CFAP74: variants seen among roughly 807,000 people sequenced by gnomAD.
The protein encoded by CFAP74 is cilia and flagella associated protein 74, also known as cilia- and flagella-associated protein 74.
A neutral mutation model predicts 188.9 loss-of-function variants in CFAP74; 124 were observed. That is an observed-to-expected ratio of 0.66 (90% CI 0.57 to 0.76). The LOEUF is 0.76. Ranked by LOEUF, CFAP74 falls within the 30% of genes least tolerant of loss-of-function variation. The pLI, the probability that CFAP74 is intolerant of heterozygous loss-of-function variation, is 0.00. For synonymous variants in CFAP74, 956 were observed against 916.7 expected (o/e 1.04, Z -0.77); for missense variants, 2,198 against 2,165.2 (o/e 1.02, Z -0.30).
chr1:1,938,842 C>G lies in CFAP74; in HGVS notation c.3011+13G>C. 7.8e-6 allele frequency: 12 copies of G among 1,535,730 alleles called. No homozygotes were observed. The highest frequency in any genetic ancestry group is 1.0e-5 in the Non-Finnish European group (12 of 1,146,576). On this transcript the variant is annotated intron_variant, in intron 25 of 38. Transcript: ENST00000682832. Reference sequence around the variant, plus strand: ...TCCAGGCCCCCTGCGTCCCCTCTCCCTGGCAGGCTCACCGGTTGATCTCAG... The same window carrying G: ...TCCAGGCCCCCTGCGTCCCCTCTCCGTGGCAGGCTCACCGGTTGATCTCAG...
chr1:1,948,277 C>T (rs1261213572), intron 18 of CFAP74, among the ~76,000 whole-genome samples: 1 of 151,994 alleles, frequency 6.6e-6, no homozygotes, highest in African/African-American at 2.4e-5. Context: ...GGGCCAGCAG[C>T]TTTTTGGTTT....
chr1:1,956,318 G>A (rs1008155403), intron 17 of CFAP74, among the ~76,000 whole-genome samples: 1 of 152,148 alleles, frequency 6.6e-6, no homozygotes, highest in African/African-American at 2.4e-5. Context: ...TCAGAGATGC[G>A]TCGGGGGAGG....
chr1:1,969,345 GCCCAGCCCAGCCCAGACCTT>G (rs1432110504), intron 10 of CFAP74, among the ~76,000 whole-genome samples: 2 of 121,464 alleles, frequency 1.6e-5, no homozygotes, highest in Non-Finnish European at 3.4e-5. Flanking sequence ...GCCCTGCCCT[GCCCAGCCCAGCCCAGACCTT>G]CCCAGTCCAG....
intron 4 of CFAP74, among the ~76,000 whole-genome samples, chr1:1,987,347 G>A (rs1657306112): frequency 1.3e-5 from 2 of 152,216 alleles, no homozygotes; most frequent in South Asian, 2.1e-4. Flanking sequence ...TGAAGGGCAC[G>A]TGGTGGGAGG....
chr1:1,965,833 C>T (rs1655429127), intron 12 of CFAP74, among the ~76,000 whole-genome samples: 1 of 152,222 alleles, frequency 6.6e-6, no homozygotes, highest in Admixed American at 6.5e-5. Flanking sequence ...GTGGCCAATG[C>T]TTACAGAAAC....
At chr1:1,963,901 G>T (rs1234508253) in intron 13 of CFAP74, 34 bp from the exon 14 acceptor site, 1 of 1,392,522 alleles carries the variant, frequency 7.2e-7, no homozygotes. Context: ...TTCAGAGCGG[G>T]TCACAGGGGG....
intron 25 of CFAP74, 25 bp downstream of exon 25, chr1:1,938,830 C>G: frequency 2.0e-6 from 3 of 1,534,304 alleles, no homozygotes. Flanking sequence ...AGGCCCCCTG[C>G]GTCCCCTCTC....
At chr1:1,941,136 A>G in intron 22 of CFAP74, among the ~76,000 whole-genome samples, 1 of 152,098 alleles carries the variant, frequency 6.6e-6, no homozygotes, top group Non-Finnish European at 1.5e-5. Context: ...AGAAAGAAAG[A>G]AATATCAGGA....
At position 1,988,513 on chromosome 1, in the gene CFAP74, T is replaced by C. The variant is rs1657377602; in HGVS notation, c.295A>G (p.Arg99Gly). 1 of 1,611,480 alleles carries C rather than the reference T, an allele frequency of 6.2e-7. No individual in the cohort carries two copies. The change falls in exon 4 of 39, where the codon AGA becomes GGA. Residue 99 changes from arginine (R) to glycine (G), a missense_variant and splice_region_variant. Physicochemically the swap from Arg to Gly is moderately radical, Grantham distance 125 (BLOSUM62 -2). Coordinates refer to ENST00000682832, the MANE Select transcript of CFAP74 (RefSeq NM_001304360.2). Reference protein sequence around the residue: ...EEQELFTEKMRGELRACRQRR... With the variant: ...EEQELFTEKMGGELRACRQRR... ...GCAGCGGCCTCAGCCCCAGCTCACC[T>C]CATCTTCTCAGTGAAAAGCTCTTGC...
chr1:1,939,067 G>T, intron 24 of CFAP74, 79 bp from the exon 25 acceptor site: 1 of 1,406,590 alleles, frequency 7.1e-7, no homozygotes, highest in Non-Finnish European at 9.6e-7. Context: ...GTGAGTGTGA[G>T]AGTAAGAGAT....
chr1:1,927,842 G>A (rs1014354861), intron 27 of CFAP74, 96 bp from the exon 28 acceptor site: 7 of 1,388,276 alleles, frequency 5.0e-6, no homozygotes, highest in Non-Finnish European at 6.8e-6. Context: ...GGAACCGCGG[G>A]AGCCGCAGTT....
In CFAP74 at chr1:1,939,756, C is replaced by G. The variant is rs937315584; in HGVS notation, c.2715G>C (p.Val905=). ...TIWVADQNKP[V]GFTVHAIVTT... ...TGACAATGGCATGCACGGTGAATCC[C>G]ACTGGCTTGTTCTGAGACATAAAGG... is the stretch of plus-strand genomic sequence containing the variant. Residue 905 remains valine, a synonymous_variant, in exon 24 of 39, where the codon GTG becomes GTC. Transcript: ENST00000682832. The G allele has an allele frequency of 3.1e-5, 48 of 1,535,882 alleles. No individual in the cohort carries two copies. The highest frequency in any genetic ancestry group is 6.1e-6 in the Non-Finnish European group (7 of 1,146,810).
intron 24 of CFAP74, among the ~76,000 whole-genome samples, chr1:1,939,270 AG>A (rs1653188084): frequency 6.6e-6 from 1 of 152,328 alleles, no homozygotes; most frequent in South Asian, 2.1e-4. Context: ...GCGGCGGGGC[AG>A]CCCAGGGAAA....
chr1:1,972,947 A>C lies in CFAP74; in HGVS notation c.775T>G (p.Ser259Ala). 6.2e-7 allele frequency: 1 copy of C among 1,612,954 alleles called. No homozygotes were observed. Among genetic ancestry groups the C allele is most frequent in the Non-Finnish European group, 8.5e-7 (1 of 1,179,082 alleles). Residue 259 changes from serine to alanine, a missense_variant, in exon 8 of 39, where the codon TCC (serine) becomes GCC (alanine). Ser to Ala is a moderately conservative substitution (Grantham distance 99). Coordinates refer to ENST00000682832, the MANE Select transcript of CFAP74 (RefSeq NM_001304360.2). The stretch of plus-strand genomic sequence containing the variant: ...GAAGGGAGGCCCTACCTTCCCAGGG[A>C]GGCCTTCAGGAACCGCACGGCAACC... The part of the protein sequence containing the change: ...HKVAVRFLKA[S>A]LGRIREQEKK...
chr1:1,967,030 G>T (rs1462627007), intron 11 of CFAP74, among the ~76,000 whole-genome samples: 1 of 152,108 alleles, frequency 6.6e-6, no homozygotes, highest in African/African-American at 2.4e-5. Flanking sequence ...TAGAGATGGG[G>T]TTTCACTATG....
In CFAP74 at chr1:1,939,615, G is replaced by A. The variant is rs112884195; in HGVS notation, c.2856C>T (p.Phe952=). ...LHNHSLLPQE[F]GFVRLPKFVD... is the part of the protein sequence containing the mutation. ...GTACCTTGGGAAGCCTGACGAACCC[G>A]AACTCCTGGGGCAGGAGCGAGTGGT... is the stretch of plus-strand genomic sequence containing the variant. The change falls in exon 24 of 39, where the codon TTC becomes TTT. Residue 952 remains phenylalanine, a synonymous_variant. Transcript: ENST00000682832. The A allele has an allele frequency of 4.4e-4, 679 of 1,535,782 alleles. 3 individuals carry two copies. The African/African-American group carries it at 7.4e-3, about 17-fold the overall frequency.
intron 28 of CFAP74, 40 bp from the exon 29 acceptor site, chr1:1,927,068 C>T (rs987005079): frequency 1.3e-6 from 2 of 1,549,198 alleles, no homozygotes; most frequent in Non-Finnish European, 8.7e-7. Context: ...GCCTTGCCCC[C>T]ACCCACCATC....
In CFAP74 at chr1:1,930,237, G is replaced by T; in HGVS notation, c.3111C>A (p.Ser1037=). The part of the protein sequence containing the change: ...KFAATALYDT[S]VATVYVINSH... ...AGTTGATGACGTACACTGTAGCCAC[G>T]GAGGTGTCGTATAGGGCCGTGGCGG... Residue 1037 remains serine (S), a synonymous_variant, in exon 26 of 39, where the codon TCC becomes TCA. Coordinates refer to ENST00000682832, the MANE Select transcript of CFAP74 (RefSeq NM_001304360.2). The T allele has an allele frequency of 6.5e-7, 1 of 1,535,758 alleles. No individual in the cohort carries two copies. The highest frequency in any genetic ancestry group is 2.0e-5 in the Admixed American group (1 of 50,980).
intron 25 of CFAP74, among the ~76,000 whole-genome samples, chr1:1,934,795 G>A (rs1352473575): frequency 6.8e-6 from 1 of 146,538 alleles, no homozygotes; most frequent in Non-Finnish European, 1.5e-5. Context: ...TAGGTTGTAG[G>A]TACACACGTG....
Sources: gnomAD v4.1 joint callset for allele counts (sites outside exome capture counted in the v4.1 genomes callset) on GRCh38, gnomAD v4.1.1 for gene constraint, MANE v1.5 for transcripts, NCBI Gene and HGNC (gene_info 2026-07-23, HGNC 2026-07-21) for gene names.